MUC4: variants seen among roughly 807,000 people sequenced by gnomAD.
MUC4 encodes mucin-4.
MUC4 carries 202 observed loss-of-function variants against 257.9 expected under a neutral mutation model. The ratio of observed to expected loss-of-function variants is 0.78; its 90% CI spans 0.70 to 0.88. The LOEUF (loss-of-function observed/expected upper bound fraction) is 0.88. MUC4 is among the 40% of genes least tolerant of loss of function. MUC4 has a pLI of 0.00. For synonymous variants in MUC4, 2,351 were observed against 2,757.1 expected (o/e 0.85, Z 4.62); for missense variants, 5,976 against 6,513.7 (o/e 0.92, Z 2.84).
At chr3:195,753,910 TC>T in intron 19 of MUC4, 1 of 361,114 alleles carries the variant, frequency 2.8e-6, no homozygotes. Context: ...CTTCAGTCTT[TC>T]GCCCGGGGCT....
rs749634025 is a variant in MUC4 at position 195,764,107 on chromosome 3, C to G, written c.13982G>C (p.Cys4661Ser). The change falls in exon 11 of 25, where the codon TGT becomes TCT. Residue 4661 changes from cysteine to serine, a missense_variant. Cys to Ser is a moderately radical substitution (Grantham distance 112, BLOSUM62 -1). Around this residue, in one of 44 missense-constraint regions of MUC4, gnomAD observed 996 missense variants for 1,137.3 expected, o/e 0.88. Coordinates refer to ENST00000463781, the MANE Select transcript of MUC4 (RefSeq NM_018406.7). Reference protein sequence around the residue: ...CCRWNDKPYLCALYQQRRPHV... With the variant: ...CCRWNDKPYLSALYQQRRPHV... ...GGGCCGCCTCTGCTGGTACAGGGCA[C>G]AGAGGTAGGGCTTGTCATTCCAGCG... 1 of 1,604,578 alleles carries G rather than the reference C, an allele frequency of 6.2e-7. No homozygotes were observed. The highest frequency in any genetic ancestry group is 1.1e-5 in the South Asian group (1 of 89,152).
rs540989532 is a variant in MUC4, at chr3:195,806,179, C to A, written c.82+5557G>T. Among the ~76,000 whole-genome samples the A allele has an allele frequency of 2.0e-5, 3 of 152,264 alleles. No homozygotes were observed. The East Asian group carries it at 5.8e-4, about 29-fold the overall frequency. ...CTATTCCACAGCTTGCAAAGCCCTGCGCGATCTAACACCTGCCTTCTCTTT... is the reference window on the plus strand; with the variant it reads ...CTATTCCACAGCTTGCAAAGCCCTGAGCGATCTAACACCTGCCTTCTCTTT... On this transcript the variant is annotated intron_variant, in intron 1 of 24. Coordinates refer to ENST00000463781, the MANE Select transcript of MUC4 (RefSeq NM_018406.7).
chr3:195,753,293 T>G, intron 19 of MUC4, 63 bp from the exon 20 acceptor site: 2 of 1,521,504 alleles, frequency 1.3e-6, no homozygotes, highest in Non-Finnish European at 1.8e-6. Context: ...GCCCAGCCCG[T>G]GGAAACCCGC....
intron 1 of MUC4, among the ~76,000 whole-genome samples, chr3:195,801,867 C>T (rs950999727): frequency 1.5e-4 from 23 of 152,080 alleles, no homozygotes; most frequent in African/African-American, 5.3e-4. Context: ...CCCAGCCTCA[C>T]CCTCATTGAA....
In MUC4 at chr3:195,774,178, G is replaced by A. The variant is rs1347345579; in HGVS notation, c.13071C>T (p.Ser4357=). The A allele has an allele frequency of 6.2e-7, 1 of 1,607,706 alleles. No homozygotes were observed. Among genetic ancestry groups the A allele is most frequent in the African/African-American group, 1.3e-5 (1 of 74,446 alleles). Residue 4357 remains serine, a synonymous_variant, in exon 4 of 25, where the codon TCC becomes TCT. Transcript: ENST00000463781. The part of the protein sequence containing the change: ...GFPLGSSLRD[S]LYFTDNGQII... ...GGCCGCAGCCCGGACTCACGTAGAG[G>A]GAATCACGGAGAGAGGAGCCAAGGG...
intron 1 of MUC4, among the ~76,000 whole-genome samples, chr3:195,798,485 TG>T (rs1444290750): frequency 3.9e-5 from 6 of 152,086 alleles, no homozygotes; most frequent in African/African-American, 1.4e-4. Flanking sequence ...GGGCGGATCA[TG>T]AGGTCAGGAG....
At chr3:195,761,153 C>A in intron 15 of MUC4, 36 bp from the exon 16 acceptor site, 1 of 1,578,324 alleles carries the variant, frequency 6.3e-7, no homozygotes, top group Non-Finnish European at 8.7e-7. Context: ...CCAGGCATGG[C>A]ACTCAGCCTT....
rs1719871662 is a variant in MUC4, at chr3:195,764,091, C to CG, written c.13997_13998insC (p.Gln4666HisfsTer92). ...TAGCACAGCCCACGTGGGGCCGCCT[C>CG]TGCTGGTACAGGGCACAGAGGTAGG... is the stretch of plus-strand genomic sequence containing the variant. On this transcript the variant is annotated frameshift_variant, in exon 11 of 25. Transcript: ENST00000463781. LOFTEE classifies it high-confidence loss of function. 6.2e-7 allele frequency: 1 copy of CG among 1,608,848 alleles called. No individual in the cohort carries two copies. Among genetic ancestry groups the CG allele is most frequent in the African/African-American group, 1.3e-5 (1 of 74,888 alleles).
At position 195,767,736 on chromosome 3, in the gene MUC4, C is replaced by T. The variant is rs1244064514; in HGVS notation, c.13530-985G>A. ...TCGGCCACCACCACCATCACCACCACCATCACCATCGCCACCACCACCATC... is the reference window on the plus strand; with the variant it reads ...TCGGCCACCACCACCATCACCACCATCATCACCATCGCCACCACCACCATC... On this transcript the variant is annotated intron_variant, in intron 7 of 24. Transcript: ENST00000463781. Among the ~76,000 whole-genome samples the T allele has an allele frequency of 5.8e-4, 11 of 19,016 alleles. 1 individual carries two copies. The highest frequency in any genetic ancestry group is 2.6e-3 in the South Asian group (1 of 386). The allele number at this position is 19,016 out of a possible 152,430, so 12.5% of individuals were successfully genotyped here.
chr3:195,790,264 G>A lies in MUC4; in HGVS notation c.1316C>T (p.Ser439Phe). 3 of 1,614,044 alleles carry A rather than the reference G, an allele frequency of 1.9e-6. No individual in the cohort carries two copies. The highest frequency in any genetic ancestry group is 2.2e-5 in the South Asian group (2 of 91,088). Residue 439 changes from serine (S) to phenylalanine (F), a missense_variant, in exon 2 of 25, where the codon TCC becomes TTC. Physicochemically the swap from Ser to Phe is radical, Grantham distance 155. Coordinates refer to ENST00000463781, the MANE Select transcript of MUC4 (RefSeq NM_018406.7). ...WWSDTLSTALSPSSLPPKIST... is the reference protein window; with the variant it reads ...WWSDTLSTALFPSSLPPKIST... ...TATTTTTGGAGGTAGAGAACTGGGG[G>A]AGAGTGCTGTTGACAGAGTGTCTGA... is the stretch of plus-strand genomic sequence containing the variant.
Position 195,783,345 on chromosome 3 carries a change from T to TGCTGAGGAAGTGTCGGCG in MUC4, c.8234_8235insCGCCGACACTTCCTCAGC (p.Val2745_Ser2746insAlaAspThrSerSerAla), listed in dbSNP as rs760294259. The TGCTGAGGAAGTGTCGGCG allele has an allele frequency of 9.6e-7, 1 of 1,042,600 alleles. No individual in the cohort carries two copies. Among genetic ancestry groups the TGCTGAGGAAGTGTCGGCG allele is most frequent in the African/African-American group, 2.1e-5 (1 of 47,728 alleles). 64.6% of individuals were successfully genotyped at this position (1,042,600 alleles called of 1,614,324 possible). A position where few individuals can be genotyped will look rare whatever the true frequency, so the allele number is the denominator to read the frequency against. On this transcript the variant is annotated inframe_insertion, in exon 2 of 25. Coordinates refer to ENST00000463781, the MANE Select transcript of MUC4 (RefSeq NM_018406.7). ...GAAGAGGGGTGGTGTCACCTGTGGATACTGAGGAAGTCTCGGTGACAAGAA... is the reference window on the plus strand; with the variant it reads ...GAAGAGGGGTGGTGTCACCTGTGGATGCTGAGGAAGTGTCGGCGACTGAGGAAGTCTCGGTGACAAGAA...
At chr3:195,752,985 T>G in intron 20 of MUC4, 66 bp downstream of exon 20, 1 of 1,359,176 alleles carries the variant, frequency 7.4e-7, no homozygotes, top group Non-Finnish European at 1.0e-6. Context: ...GTGGGCGGAG[T>G]GCGGGGGTGA....
intron 1 of MUC4, among the ~76,000 whole-genome samples, chr3:195,801,886 G>A (rs1357296072): frequency 6.6e-6 from 1 of 151,676 alleles, no homozygotes; most frequent in Admixed American, 6.6e-5. Context: ...AAGCTGACGG[G>A]TCCTGCTCCA....
At position 195,748,925 on chromosome 3, in the gene MUC4, G is replaced by C; in HGVS notation, c.16011C>G (p.His5337Gln). 6.3e-7 allele frequency: 1 copy of C among 1,593,918 alleles called. No individual in the cohort carries two copies. The highest frequency in any genetic ancestry group is 2.3e-5 in the East Asian group (1 of 43,982). The change falls in exon 24 of 25, where the codon CAC (histidine) becomes CAG (glutamine). Residue 5337 changes from histidine to glutamine, a missense_variant. By Grantham distance (24) the His-to-Gln change is conservative. Transcript: ENST00000463781. ...ACCTGCAGCGGGGCCCACTGGGCAG[G>C]TGCTGGCACTGGCCTCCATGGTCAC... is the stretch of plus-strand genomic sequence containing the variant. Reference protein sequence around the residue: ...GYCDHGGQCQHLPSGPRCSCV... With the variant: ...GYCDHGGQCQQLPSGPRCSCV...
At chr3:195,748,808 T>C (rs1317437415) in intron 24 of MUC4, 94 bp downstream of exon 24, 20 of 1,417,732 alleles carry the variant, frequency 1.4e-5, no homozygotes, top group Non-Finnish European at 1.8e-5. Context: ...CTCTGATCTC[T>C]CGAGCCATCC....
At chr3:195,796,230 A>ATG (rs1734565322) in intron 1 of MUC4, among the ~76,000 whole-genome samples, 2 of 151,768 alleles carry the variant, frequency 1.3e-5, no homozygotes, top group African/African-American at 4.8e-5. Flanking sequence ...TTACAGGCGC[A>ATG]TGCCACCACG....
intron 3 of MUC4, among the ~76,000 whole-genome samples, chr3:195,776,835 T>TACCTTCCACACC (rs1724918290): frequency 4.8e-4 from 3 of 6,308 alleles, no homozygotes; most frequent in Non-Finnish European, 1.0e-3. Context: ...CCTTCCACAG[T>TACCTTCCACACC]CATACCTTCC....
chr3:195,773,497 C>T (rs778675064), intron 4 of MUC4, among the ~76,000 whole-genome samples: 7 of 136,052 alleles, frequency 5.1e-5, no homozygotes, highest in Non-Finnish European at 1.1e-4. Context: ...CTCTCTATCA[C>T]TCAGCAGGTG....
In MUC4 at chr3:195,757,284, T is replaced by G. The variant is rs201691250; in HGVS notation, c.15031A>C (p.Thr5011Pro). 5.0e-6 allele frequency: 8 copies of G among 1,611,590 alleles called. No homozygotes were observed. The East Asian group carries it at 1.8e-4, about 36-fold the overall frequency. The change falls in exon 18 of 25, where the codon ACT becomes CCT. Residue 5011 changes from threonine (T) to proline (P), a missense_variant. Thr to Pro is a conservative substitution (Grantham distance 38). This residue lies in a region of MUC4 where 996 missense variants were observed against 1,137.3 expected (regional missense o/e 0.88). Transcript: ENST00000463781. This position sits in a 1 kb window ranked among gnomAD's most constrained non-coding sequence, Gnocchi z 4.8. Reference sequence around the variant, plus strand: ...GCACTTCTTGCTAGAATCTCCAGAGTGAATGGCTCCAGCGACTTGGGTGTC... The same window carrying G: ...GCACTTCTTGCTAGAATCTCCAGAGGGAATGGCTCCAGCGACTTGGGTGTC... ...LWTPKSLEPF[T>P]LEILARSAKI...
Sources: allele counts gnomAD v4.1 joint callset (sites outside exome capture counted in the v4.1 genomes callset), GRCh38; gene constraint gnomAD v4.1.1; regional missense constraint gnomAD v4.1.1; non-coding constraint Gnocchi (gnomAD v3.1); transcripts MANE v1.5; gene names NCBI Gene and HGNC (gene_info 2026-07-23, HGNC 2026-07-21).